The following HSPG2 variants were observed in gnomAD, a reference collection of about 807,000 sequenced individuals.
HSPG2 encodes the protein basement membrane-specific heparan sulfate proteoglycan core protein.
HSPG2 carries 278 observed loss-of-function variants against 526.6 expected under a neutral mutation model. The observed-to-expected ratio is 0.53, with a 90% CI of 0.48 to 0.58. The LOEUF (loss-of-function observed/expected upper bound fraction) is 0.58, where lower values mean the gene tolerates loss of function less well. Ranked by LOEUF, HSPG2 falls within the 20% of genes least tolerant of loss-of-function variation. The pLI is 0.00. For synonymous variants in HSPG2, 2,465 were observed against 2,555.4 expected, an observed-to-expected ratio of 0.96 and a Z score of 1.07; for missense variants, 5,354 against 6,099.5, an observed-to-expected ratio of 0.88 and a Z score of 4.07.
In HSPG2 at chr1:21,824,283, A is replaced by G. The variant is rs80040276; in HGVS notation, c.12815+23T>C. 2,245 of 1,613,420 alleles carry G rather than the reference A, an allele frequency of 1.4e-3. 20 individuals carry two copies. In the African/African-American group the frequency reaches 0.025, roughly 18 times the overall value. On this transcript the variant is annotated intron_variant, in intron 94 of 96. Transcript: ENST00000374695. This position sits in a 1 kb window ranked among gnomAD's most constrained non-coding sequence, Gnocchi z 5.9. ...GTGCTGGGACCAGGGAAGGGAGAGG[A>G]AGGGCCAGGTGCCAGGACCTACCTG... is the stretch of plus-strand genomic sequence containing the variant.
rs757595218 is a variant in HSPG2, at chr1:21,847,134, G to A, written c.8164+220C>T. Among the ~76,000 whole-genome samples the A allele has an allele frequency of 1.3e-5, 2 of 152,362 alleles. No homozygotes were observed. Among genetic ancestry groups the A allele is most frequent in the Middle Eastern group, 3.4e-3 (1 of 294 alleles). On this transcript the variant is annotated intron_variant, in intron 62 of 96. Transcript: ENST00000374695. This position sits in a 1 kb window ranked among gnomAD's most constrained non-coding sequence, Gnocchi z 4.1. ...GTAAACTTCCTGTGATGATGGAAAT[G>A]CTTTTTATCTGCACAGGCCAAGTCA...
chr1:21,875,136 T>C (rs1640949995), intron 25 of HSPG2, 134 bp from the exon 26 acceptor site: 4 of 721,846 alleles, frequency 5.5e-6, no homozygotes, highest in South Asian at 1.5e-5. Context: ...TGTCCAGATC[T>C]CCAGAGGCTG....
intron 1 of HSPG2, among the ~76,000 whole-genome samples, chr1:21,908,932 C>A (rs1050085474): frequency 8.5e-5 from 13 of 152,160 alleles, no homozygotes; most frequent in African/African-American, 3.1e-4. Flanking sequence ...CATGGTGAAA[C>A]CCCGTCTCTA....
rs1640747761 is a variant in HSPG2, at chr1:21,872,707, C to T, written c.3942G>A (p.Leu1314=). The change falls in exon 32 of 97, where the codon CTG becomes CTA. Residue 1314 remains leucine (L), a synonymous_variant. Transcript: ENST00000374695. The surrounding 1 kb of genome is among the most constrained non-coding windows in gnomAD (Gnocchi z 5.5). ...CSHCRPHHFH[L]SASNPDGCLP... ...GGCAGCCGTCTGGGTTGCTGGCACT[C>T]AGGTGGAAGTGGTGGGGCCGGCAGT... is the stretch of plus-strand genomic sequence containing the variant. 1 of 1,609,274 alleles carries T rather than the reference C, an allele frequency of 6.2e-7. No individual in the cohort carries two copies. The highest frequency in any genetic ancestry group is 1.3e-5 in the African/African-American group (1 of 74,896).
At position 21,919,151 on chromosome 1, in the gene HSPG2, C is replaced by T. The variant is rs12082762; in HGVS notation, c.63+18004G>A. ...CTGATTAAGTCTCAAAGGGGCTGGG[C>T]GCAGTGGCTCAGGCCTGTAATCCCA... On this transcript the variant is annotated intron_variant, in intron 1 of 96. Transcript: ENST00000374695. 7.4e-3 allele frequency among the ~76,000 whole-genome samples: 1,131 copies of T among 152,308 alleles called. 14 individuals are homozygous for T. Among genetic ancestry groups the T allele is most frequent in the African/African-American group, 0.026 (1,062 of 41,564 alleles).
chr1:21,870,792 C>CAGGGCTGAGAGCA, intron 33 of HSPG2: 1 of 984,598 alleles, frequency 1.0e-6, no homozygotes, highest in Non-Finnish European at 1.2e-6. Context: ...AGGCACCACG[C>CAGGGCTGAGAGCA]CCCACCACAC....
Position 21,893,660 on chromosome 1 carries a change from G to A in HSPG2, c.244+2262C>T, listed in dbSNP as rs1310538754. ...GGGCGGGCGGCCCAGGGGCTGCCCT[G>A]AGCCTGCAGAGTAGAGACAGAGAAG... On this transcript the variant is annotated intron_variant, in intron 3 of 96. Coordinates refer to ENST00000374695, the MANE Select transcript of HSPG2 (RefSeq NM_005529.7). The surrounding 1 kb of genome is among the most constrained non-coding windows in gnomAD (Gnocchi z 4.3). Among the ~76,000 whole-genome samples the A allele has an allele frequency of 6.6e-6, 1 of 152,040 alleles. No individual in the cohort carries two copies. The highest frequency in any genetic ancestry group is 1.5e-5 in the Non-Finnish European group (1 of 67,968).
At chr1:21,926,942 A>G (rs951049964) in intron 1 of HSPG2, among the ~76,000 whole-genome samples, 7 of 152,124 alleles carry the variant, frequency 4.6e-5, no homozygotes, top group South Asian at 2.1e-4. Context: ...GAGAGGGTTG[A>G]GTCAGCTGGG....
intron 14 of HSPG2, 89 bp from the exon 15 acceptor site, chr1:21,880,924 CCTCA>C: frequency 2.4e-6 from 3 of 1,271,322 alleles, no homozygotes; most frequent in Non-Finnish European, 3.3e-6. Context: ...CCAGCTCCTC[CCTCA>C]CTCTGCCTAC....
chr1:21,918,575 A>T (rs751451019), intron 1 of HSPG2, among the ~76,000 whole-genome samples: 19 of 152,104 alleles, frequency 1.2e-4, no homozygotes, highest in Non-Finnish European at 2.1e-4. Flanking sequence ...CTTGACAAAC[A>T]TTGAGTTATC....
intron 91 of HSPG2, among the ~76,000 whole-genome samples, chr1:21,825,501 G>T (rs1443756598): frequency 2.0e-5 from 3 of 152,164 alleles, no homozygotes; most frequent in Admixed American, 6.5e-5. Flanking sequence ...TTGGGCGAGT[G>T]ACTGGCCCAG....
Position 21,872,955 on chromosome 1 carries a change from C to T in HSPG2, c.3888+42G>A, listed in dbSNP as rs377651867. 259 of 1,585,298 alleles carry T rather than the reference C, an allele frequency of 1.6e-4. No homozygotes were observed. The highest frequency in any genetic ancestry group is 8.3e-4 in the Middle Eastern group (5 of 6,026). On this transcript the variant is annotated intron_variant, in intron 31 of 96. Transcript: ENST00000374695. The surrounding 1 kb of genome is among the most constrained non-coding windows in gnomAD (Gnocchi z 5.5). ...TGATTTCCCCGCAGGGTCTGGGCAGCGGGGCAGAGCAGGCCCCGCAGGGAC... is the reference window on the plus strand; with the variant it reads ...TGATTTCCCCGCAGGGTCTGGGCAGTGGGGCAGAGCAGGCCCCGCAGGGAC...
At position 21,824,111 on chromosome 1, in the gene HSPG2, G is replaced by T. The variant is rs2097961074; in HGVS notation, c.12899+10C>A. ...GGGCCCCATCCCGAGTGCCCGGCAG[G>T]GTCCCTTACCGCAGTGCTGTCACCC... On this transcript the variant is annotated intron_variant, in intron 95 of 96. Coordinates refer to ENST00000374695, the MANE Select transcript of HSPG2 (RefSeq NM_005529.7). This position sits in a 1 kb window ranked among gnomAD's most constrained non-coding sequence, Gnocchi z 5.9. The T allele has an allele frequency of 6.2e-7, 1 of 1,611,460 alleles. No homozygotes were observed. The highest frequency in any genetic ancestry group is 8.5e-7 in the Non-Finnish European group (1 of 1,179,224).
At chr1:21,843,844 C>T (rs542414474) in intron 65 of HSPG2, among the ~76,000 whole-genome samples, 2 of 152,270 alleles carry the variant, frequency 1.3e-5, no homozygotes, top group South Asian at 2.1e-4. Context: ...CCATGTTGGC[C>T]GGGCTGGCTT....
chr1:21,847,475 C>G lies in HSPG2; in HGVS notation c.8043G>C (p.Leu2681=), dbSNP rs967989330. The G allele has an allele frequency of 6.2e-7, 1 of 1,613,786 alleles. No homozygotes were observed. The highest frequency in any genetic ancestry group is 8.5e-7 in the Non-Finnish European group (1 of 1,180,040). Reference sequence around the variant, plus strand: ...CAGCCACAGACATTTGGTGCAACCGCAGGTGGGAGCCATGGGTCTGGACGT... The same window carrying G: ...CAGCCACAGACATTTGGTGCAACCGGAGGTGGGAGCCATGGGTCTGGACGT... The part of the protein sequence containing the change: ...PSRHQTHGSH[L]RLHQMSVADS... The change falls in exon 62 of 97, where the codon CTG becomes CTC. Residue 2681 remains leucine (L), a synonymous_variant. Coordinates refer to ENST00000374695, the MANE Select transcript of HSPG2 (RefSeq NM_005529.7). The surrounding 1 kb of genome is among the most constrained non-coding windows in gnomAD (Gnocchi z 4.1).
At position 21,887,930 on chromosome 1, in the gene HSPG2, C is replaced by G. The variant is rs1334113885; in HGVS notation, c.703+8G>C. 2 of 1,613,980 alleles carry G rather than the reference C, an allele frequency of 1.2e-6. No individual in the cohort carries two copies. The highest frequency in any genetic ancestry group is 2.7e-5 in the African/African-American group (2 of 74,914). On this transcript the variant is annotated splice_region_variant and intron_variant, in intron 7 of 96. Transcript: ENST00000374695. This position sits in a 1 kb window ranked among gnomAD's most constrained non-coding sequence, Gnocchi z 5.0. ...CCAAACCACTCGTGGCCCCGGACAT[C>G]CCCTCACCACAATTGAGCTCATCAG...
intron 3 of HSPG2, among the ~76,000 whole-genome samples, chr1:21,894,430 G>A (rs964128197): frequency 5.3e-5 from 8 of 152,112 alleles, no homozygotes; most frequent in Non-Finnish European, 8.8e-5. Flanking sequence ...CTCCCTGACT[G>A]GCATTCAGCC....
intron 33 of HSPG2, among the ~76,000 whole-genome samples, chr1:21,867,694 C>A (rs1199966918): frequency 1.3e-5 from 2 of 152,136 alleles, no homozygotes; most frequent in South Asian, 2.1e-4. Context: ...ACCTCCCTGT[C>A]TCACTTCTCT....
intron 1 of HSPG2, among the ~76,000 whole-genome samples, chr1:21,919,159 C>T (rs1023659390): frequency 3.3e-5 from 5 of 152,242 alleles, no homozygotes; most frequent in Non-Finnish European, 4.4e-5. Flanking sequence ...GGCGCAGTGG[C>T]TCAGGCCTGT....
Sources: allele counts gnomAD v4.1 joint callset (sites outside exome capture counted in the v4.1 genomes callset), GRCh38; gene constraint gnomAD v4.1.1; non-coding constraint Gnocchi (gnomAD v3.1); transcripts MANE v1.5; gene names NCBI Gene and HGNC (gene_info 2026-07-23, HGNC 2026-07-21).